Variants in RASSF3 observed in about 807,000 individuals in gnomAD.
RASSF3 encodes Ras association domain family member 3.
In RASSF3, 19 loss-of-function variants were observed where a neutral mutation model predicts 19.9. That is an observed-to-expected ratio of 0.96 (90% CI 0.67 to 1.40). The LOEUF (loss-of-function observed/expected upper bound fraction) is 1.40, where lower values mean the gene tolerates loss of function less well. Ranked by LOEUF, RASSF3 falls within the 40% of genes most tolerant of loss-of-function variation. The pLI, the probability that RASSF3 is intolerant of heterozygous loss-of-function variation, is 0.00. For missense variants in RASSF3, 306 were observed against 289.8 expected, an observed-to-expected ratio of 1.06 and a Z score of -0.41; for synonymous variants, 110 against 104.2, an observed-to-expected ratio of 1.06 and a Z score of -0.34.
At chr12:64,582,809 A>C (rs1043415089) in intron 2 of RASSF3, among the ~76,000 whole-genome samples, 2 of 152,216 alleles carry the variant, frequency 1.3e-5, no homozygotes, top group Non-Finnish European at 2.9e-5. Context: ...CAAGAAAGAC[A>C]CTGAAGGTTG....
intron 1 of RASSF3, among the ~76,000 whole-genome samples, chr12:64,679,551 C>T (rs181334269): frequency 3.5e-4 from 53 of 152,198 alleles, no homozygotes; most frequent in Admixed American, 2.0e-3. Context: ...GATTGGGCCG[C>T]ACTTCTTGAG....
intron 2 of RASSF3, among the ~76,000 whole-genome samples, chr12:64,553,339 G>C (rs1223217195): frequency 6.6e-6 from 1 of 152,182 alleles, no homozygotes; most frequent in East Asian, 1.9e-4. Context: ...ACAAGTGAGG[G>C]TGGACCGGGG....
At chr12:64,595,323 C>T (rs1174105788) in intron 2 of RASSF3, among the ~76,000 whole-genome samples, 1 of 152,068 alleles carries the variant, frequency 6.6e-6, no homozygotes, top group African/African-American at 2.4e-5. Flanking sequence ...CCGCCTCGGC[C>T]TCCCAAAGTG....
Position 64,684,831 on chromosome 12 carries a change from G to A in RASSF3, c.156G>A (p.Glu52=), listed in dbSNP as rs574359875. The change falls in exon 2 of 5, where the codon GAG becomes GAA. Residue 52 remains glutamate (E), a synonymous_variant. Transcript: ENST00000542104. The part of the protein sequence containing the change: ...EKETHSYLSK[E]EIKEKVHKYN... ...AAACCCACAGTTACCTCAGCAAAGA[G>A]GAGATCAAAGAGAAAGTTCATAAAT... 3.7e-6 allele frequency: 6 copies of A among 1,613,548 alleles called. No individual in the cohort carries two copies. Among genetic ancestry groups the A allele is most frequent in the African/African-American group, 2.7e-5 (2 of 74,888 alleles).
Position 64,691,496 on chromosome 12 carries a change from GA to G in RASSF3, c.486del (p.Glu162AspfsTer9). 6.2e-7 allele frequency: 1 copy of G among 1,613,928 alleles called. No homozygotes were observed. The highest frequency in any genetic ancestry group is 8.5e-7 in the Non-Finnish European group (1 of 1,179,828). On this transcript the variant is annotated frameshift_variant, in exon 4 of 5. Coordinates refer to ENST00000542104, the MANE Select transcript of RASSF3 (RefSeq NM_178169.4). LOFTEE classifies it high-confidence loss of function. ...CTACGCCTGCAAGCTCTCAGACCGG[GA>G]ACATCCACTCTACCTGCGTTTGGTA... ...QVYACKLSDR[E>X]HPLYLRLVAG...
intron 1 of RASSF3, among the ~76,000 whole-genome samples, chr12:64,652,551 A>AT (rs1294277184): frequency 6.6e-6 from 1 of 151,822 alleles, no homozygotes; most frequent in South Asian, 2.1e-4. Flanking sequence ...CATTGTTTCC[A>AT]TCCTGTAGAG....
upstream of RASSF3, among the ~76,000 whole-genome samples, chr12:64,606,588 G>T (rs372820699): frequency 6.6e-6 from 1 of 152,186 alleles, no homozygotes; most frequent in Admixed American, 6.5e-5. Context: ...GCCAAGGCAG[G>T]CAGATCACCT....
At chr12:64,650,997 T>C (rs1413106142) in intron 1 of RASSF3, among the ~76,000 whole-genome samples, 1 of 152,204 alleles carries the variant, frequency 6.6e-6, no homozygotes, top group Non-Finnish European at 1.5e-5. Context: ...TACAGGCTTG[T>C]AAAGTGGTTT....
At position 64,558,283 on chromosome 12, in the gene RASSF3, G is replaced by T. The variant is rs147599126; in HGVS notation, c.294+16578G>T. Among the ~76,000 whole-genome samples the T allele has an allele frequency of 1.9e-3, 291 of 152,298 alleles. 4 individuals are homozygous for T. The highest frequency in any genetic ancestry group is 6.9e-3 in the African/African-American group (285 of 41,564). On this transcript the variant is annotated intron_variant, in intron 2 of 5. Transcript: ENST00000637125. ...CATTCATGTGCCCATGGTGCCTGTT[G>T]TGGAGTGGCTGATGATGAAGATTAG...
At chr12:64,621,669 G>T (rs1192331937) in intron 1 of RASSF3, among the ~76,000 whole-genome samples, 1 of 152,154 alleles carries the variant, frequency 6.6e-6, no homozygotes, top group Non-Finnish European at 1.5e-5. Context: ...GTAGAGACAG[G>T]ATTGATCAGG....
intron 2 of RASSF3, among the ~76,000 whole-genome samples, chr12:64,580,711 T>C (rs1233031427): frequency 6.6e-6 from 1 of 151,990 alleles, no homozygotes; most frequent in East Asian, 1.9e-4. Flanking sequence ...AATCCTTCCT[T>C]GACTCTTCAC....
intron 1 of RASSF3, among the ~76,000 whole-genome samples, chr12:64,619,999 AT>A (rs1379388362): frequency 1.4e-5 from 1 of 70,770 alleles, no homozygotes. Flanking sequence ...AAAAAAAGAA[AT>A]TAGTGCAGGT....
chr12:64,689,217 C>T (rs1016320437), intron 3 of RASSF3, among the ~76,000 whole-genome samples: 3 of 96,604 alleles, frequency 3.1e-5, no homozygotes, highest in Non-Finnish European at 4.8e-5. Flanking sequence ...GATTTGAAAT[C>T]GGGGTGTGTG....
intron 1 of RASSF3, among the ~76,000 whole-genome samples, chr12:64,647,927 G>A (rs1871799534): frequency 6.6e-6 from 1 of 152,212 alleles, no homozygotes; most frequent in Non-Finnish European, 1.5e-5. Context: ...CAAGAGCACT[G>A]TGTATAGCAC....
At chr12:64,628,742 C>A (rs1346966822) in intron 1 of RASSF3, among the ~76,000 whole-genome samples, 3 of 152,130 alleles carry the variant, frequency 2.0e-5, no homozygotes, top group Non-Finnish European at 4.4e-5. Flanking sequence ...GGTGATCTGC[C>A]TGCCTTGGCC....
At chr12:64,626,424 G>T (rs1592429077) in intron 1 of RASSF3, among the ~76,000 whole-genome samples, 1 of 144,226 alleles carries the variant, frequency 6.9e-6, no homozygotes, top group East Asian at 2.0e-4. Flanking sequence ...GGAGGCGGAG[G>T]TTGCAGTGAG....
chr12:64,537,375 G>C (rs192950064), intron 1 of RASSF3, among the ~76,000 whole-genome samples: 1 of 152,292 alleles, frequency 6.6e-6, no homozygotes, highest in East Asian at 1.9e-4. Flanking sequence ...TTCTGAGTAG[G>C]ATAGTAATGG....
intron 1 of RASSF3, among the ~76,000 whole-genome samples, chr12:64,659,182 C>T (rs369018486): frequency 2.0e-5 from 3 of 152,326 alleles, no homozygotes; most frequent in African/African-American, 7.2e-5. Flanking sequence ...AGATCATTCT[C>T]AGAGGCAGCC....
Position 64,694,878 on chromosome 12 carries a change from A to G in RASSF3, c.683A>G (p.Glu228Gly). Residue 228 changes from glutamate to glycine, a missense_variant, in exon 5 of 5, where the codon GAA becomes GGA. Transcript: ENST00000542104. Reference sequence around the variant, plus strand: ...TACACAGCCTACAGGCAGAAGCTGGAAGAAGCCCTCCGTGAGGTGTGGAAG... The same window carrying G: ...TACACAGCCTACAGGCAGAAGCTGGGAGAAGCCCTCCGTGAGGTGTGGAAG... Reference protein sequence around the residue: ...RRYTAYRQKLEEALREVWKPD With the variant: ...RRYTAYRQKLGEALREVWKPD 6.2e-7 allele frequency: 1 copy of G among 1,614,246 alleles called. No individual in the cohort carries two copies. Among genetic ancestry groups the G allele is most frequent in the Non-Finnish European group, 8.5e-7 (1 of 1,180,044 alleles).
Sources: gnomAD v4.1 joint callset for allele counts (sites outside exome capture counted in the v4.1 genomes callset) on GRCh38, gnomAD v4.1.1 for gene constraint, MANE v1.5 for transcripts, NCBI Gene and HGNC (gene_info 2026-07-23, HGNC 2026-07-21) for gene names.